The following ATXN1 variants were observed in gnomAD, a reference collection of about 807,000 sequenced individuals.
The protein encoded by ATXN1 is ataxin 1, also known as ataxin-1.
A neutral mutation model predicts 56.4 loss-of-function variants in ATXN1; 8 were observed. That is an observed-to-expected ratio of 0.14 (90% CI 0.08 to 0.26). The LOEUF is 0.26. Ranked by LOEUF, ATXN1 falls within the 10% of genes least tolerant of loss-of-function variation. ATXN1 has a pLI of 1.00. For synonymous variants in ATXN1, 514 were observed against 494.6 expected (o/e 1.04, Z -0.52); for missense variants, 987 against 1,106.5 (o/e 0.89, Z 1.53).
At chr6:16,684,183 T>C (rs1248981869) in intron 2 of ATXN1, among the ~76,000 whole-genome samples, 1 of 152,218 alleles carries the variant, frequency 6.6e-6, no homozygotes, top group African/African-American at 2.4e-5. Flanking sequence ...TTAGACTTGC[T>C]TGACAGGGGT....
In ATXN1 at chr6:16,728,926, C is replaced by G. The variant is rs1377927097; in HGVS notation, c.-615+24307G>C. Among the ~76,000 whole-genome samples the G allele has an allele frequency of 5.9e-5, 9 of 152,152 alleles. 1 individual carries two copies. The highest frequency in any genetic ancestry group is 1.3e-4 in the Non-Finnish European group (9 of 68,028). On this transcript the variant is annotated intron_variant, in intron 2 of 7. Coordinates refer to ENST00000436367, the MANE Select transcript of ATXN1 (RefSeq NM_001128164.2). ...CTTCCCATTCTCCTTCTATTTATTC[C>G]TAGTTACTAAGAATTTTTAAGGTGC...
At chr6:16,406,179 G>A (rs373748) in intron 6 of ATXN1, among the ~76,000 whole-genome samples, 60,324 of 151,874 alleles carry the variant, frequency 0.4, 12,391 homozygotes, top group East Asian at 0.59. Flanking sequence ...CCTTCATTAA[G>A]TTAAAATGAG....
rs933767660 is a variant in ATXN1 at position 16,760,220 on chromosome 6, C to G, written c.-730+1078G>C. Among the ~76,000 whole-genome samples, 2 of 151,942 alleles carry G rather than the reference C, an allele frequency of 1.3e-5. No individual in the cohort carries two copies. The highest frequency in any genetic ancestry group is 2.0e-4 in the East Asian group (1 of 5,114). On this transcript the variant is annotated intron_variant, in intron 1 of 7. Coordinates refer to ENST00000436367, the MANE Select transcript of ATXN1 (RefSeq NM_001128164.2). This position sits in a 1 kb window ranked among gnomAD's most constrained non-coding sequence, Gnocchi z 5.3. ...TGGGGCTCCAGGGCGCATCCCAATC[C>G]CCGCAGCGCCTCCTCCGCGGCGGCC...
At chr6:16,654,183 T>A (rs780985908) in intron 3 of ATXN1, among the ~76,000 whole-genome samples, 1 of 152,146 alleles carries the variant, frequency 6.6e-6, no homozygotes, top group Non-Finnish European at 1.5e-5. Context: ...TGGCAAACAC[T>A]CACAGAGTAA....
At chr6:16,404,610 T>C (rs753638845) in intron 6 of ATXN1, among the ~76,000 whole-genome samples, 17 of 151,914 alleles carry the variant, frequency 1.1e-4, no homozygotes, top group Non-Finnish European at 1.6e-4. Context: ...TGGTAAAGTC[T>C]TTCCTCCAGT....
chr6:16,448,629 T>C (rs1759682261), intron 6 of ATXN1, among the ~76,000 whole-genome samples: 1 of 152,226 alleles, frequency 6.6e-6, no homozygotes, highest in African/African-American at 2.4e-5. Context: ...ACTCTGTAAG[T>C]ATTGGCTCAA....
At chr6:16,648,338 C>A (rs907375577) in intron 3 of ATXN1, among the ~76,000 whole-genome samples, 2 of 152,168 alleles carry the variant, frequency 1.3e-5, no homozygotes, top group Non-Finnish European at 2.9e-5. Flanking sequence ...TATTGAGAGG[C>A]ACCTTAGGTT....
intron 4 of ATXN1, among the ~76,000 whole-genome samples, chr6:16,569,106 C>T (rs1240181125): frequency 6.6e-6 from 1 of 152,142 alleles, no homozygotes; most frequent in Non-Finnish European, 1.5e-5. Context: ...TGGTTTCTAG[C>T]GGCAGTATCT....
chr6:16,443,073 T>C (rs1759550920), intron 6 of ATXN1, among the ~76,000 whole-genome samples: 2 of 151,632 alleles, frequency 1.3e-5, no homozygotes, highest in African/African-American at 4.8e-5. Context: ...TCCCAGCTAC[T>C]TGGGGGGCTG....
At chr6:16,705,317 A>G (rs1436045206) in intron 2 of ATXN1, among the ~76,000 whole-genome samples, 1 of 152,212 alleles carries the variant, frequency 6.6e-6, no homozygotes, top group Non-Finnish European at 1.5e-5. Flanking sequence ...GAGGTGACTC[A>G]ACAGTCACAG....
At chr6:16,522,372 C>G (rs932519666) in intron 5 of ATXN1, among the ~76,000 whole-genome samples, 1 of 152,074 alleles carries the variant, frequency 6.6e-6, no homozygotes, top group Non-Finnish European at 1.5e-5. Context: ...AAGGTAATAG[C>G]AACAATGATG....
intron 2 of ATXN1, among the ~76,000 whole-genome samples, chr6:16,689,554 T>C (rs1759000379): frequency 7.5e-6 from 1 of 133,818 alleles, no homozygotes; most frequent in African/African-American, 2.8e-5. Context: ...GGAGTCTCCC[T>C]ATGTTGCCCA....
rs1364538948 is a variant in ATXN1 at position 16,326,388 on chromosome 6, C to T, written c.1917+6G>A. 47 of 1,612,090 alleles carry T rather than the reference C, an allele frequency of 2.9e-5. No homozygotes were observed. The highest frequency in any genetic ancestry group is 1.6e-4 in the Middle Eastern group (1 of 6,076). ...CCCATCCCTGTGCCACCCTGGCTAACGTTACCTGGGCTCGGTGCTCCCCGA... is the reference window on the plus strand; with the variant it reads ...CCCATCCCTGTGCCACCCTGGCTAATGTTACCTGGGCTCGGTGCTCCCCGA... On this transcript the variant is annotated splice_donor_region_variant and intron_variant, in intron 7 of 7. Coordinates refer to ENST00000436367, the MANE Select transcript of ATXN1 (RefSeq NM_001128164.2). This position sits in a 1 kb window ranked among gnomAD's most constrained non-coding sequence, Gnocchi z 6.6.
intron 5 of ATXN1, among the ~76,000 whole-genome samples, chr6:16,498,079 C>T (rs545229864): frequency 1.4e-4 from 22 of 152,162 alleles, no homozygotes; most frequent in African/African-American, 5.3e-4. Context: ...GTTGAACAAC[C>T]ATCATCACTA....
At chr6:16,559,637 C>T (rs1762078859) in intron 4 of ATXN1, among the ~76,000 whole-genome samples, 1 of 152,062 alleles carries the variant, frequency 6.6e-6, no homozygotes, top group Non-Finnish European at 1.5e-5. Context: ...ATGGTACTTG[C>T]TTCTAGGTGA....
intron 3 of ATXN1, among the ~76,000 whole-genome samples, chr6:16,655,088 A>T (rs1169383384): frequency 3.3e-5 from 5 of 152,248 alleles, no homozygotes; most frequent in Admixed American, 3.3e-4. Flanking sequence ...CGTAAAACAA[A>T]GTGTGGGGAT....
chr6:16,626,426 G>A (rs1353211069), intron 3 of ATXN1, among the ~76,000 whole-genome samples: 1 of 152,046 alleles, frequency 6.6e-6, no homozygotes, highest in Non-Finnish European at 1.5e-5. Context: ...CAAGCAGCTG[G>A]GATTACAGGC....
At chr6:16,471,688 C>T (rs201692882) in intron 6 of ATXN1, among the ~76,000 whole-genome samples, 11 of 149,294 alleles carry the variant, frequency 7.4e-5, no homozygotes, top group African/African-American at 1.5e-4. Context: ...TGCATGCATG[C>T]GTGTGTGTGT....
intron 2 of ATXN1, among the ~76,000 whole-genome samples, chr6:16,673,995 T>C (rs1758601356): frequency 6.6e-6 from 1 of 152,160 alleles, no homozygotes; most frequent in South Asian, 2.1e-4. Flanking sequence ...GTTAATGTGG[T>C]GGTCTGTGTT....
Sources: allele counts gnomAD v4.1 joint callset (sites outside exome capture counted in the v4.1 genomes callset), GRCh38; gene constraint gnomAD v4.1.1; non-coding constraint Gnocchi (gnomAD v3.1); transcripts MANE v1.5; gene names NCBI Gene and HGNC (gene_info 2026-07-23, HGNC 2026-07-21).